The following SLCO1A2 variants were observed in gnomAD, a reference collection of about 807,000 sequenced individuals.
The protein encoded by SLCO1A2 is solute carrier organic anion transporter family member 1A2.
A neutral mutation model predicts 69.0 loss-of-function variants in SLCO1A2; 67 were observed. The observed-to-expected ratio is 0.97, with a 90% CI of 0.80 to 1.19. SLCO1A2 has a LOEUF of 1.19. Among genes scored for constraint, SLCO1A2 ranks in the 50% most tolerant of loss-of-function variants. The pLI is 0.00. For missense variants in SLCO1A2, 787 were observed against 793.7 expected (o/e 0.99, Z 0.10); for synonymous variants, 260 against 265.9 (o/e 0.98, Z 0.22).
intron 2 of SLCO1A2, among the ~76,000 whole-genome samples, chr12:21,354,152 G>A (rs59385551): frequency 0.08 from 12,156 of 152,082 alleles, 558 homozygotes; most frequent in Middle Eastern, 0.15. Flanking sequence ...CAAAGTCCAC[G>A]TCCCTCCTCC....
At chr12:21,285,913 G>A (rs1329943876) in intron 12 of SLCO1A2, among the ~76,000 whole-genome samples, 2 of 151,192 alleles carry the variant, frequency 1.3e-5, no homozygotes, top group East Asian at 1.9e-4. Flanking sequence ...TACTGAATGG[G>A]CAAAAACTGG....
intron 2 of SLCO1A2, among the ~76,000 whole-genome samples, chr12:21,322,289 A>T (rs563666660): frequency 2.0e-5 from 3 of 152,124 alleles, no homozygotes; most frequent in Non-Finnish European, 4.4e-5. Flanking sequence ...TTCTCAATCA[A>T]TTTAGAAAGT....
chr12:21,347,408 C>T (rs527392525), intron 2 of SLCO1A2, among the ~76,000 whole-genome samples: 7 of 152,062 alleles, frequency 4.6e-5, no homozygotes, highest in South Asian at 4.2e-4. Context: ...CACTTTGGGA[C>T]GCCAAAGGGG....
At chr12:21,292,734 T>C (rs1267628671) in intron 11 of SLCO1A2, among the ~76,000 whole-genome samples, 1 of 152,102 alleles carries the variant, frequency 6.6e-6, no homozygotes, top group Non-Finnish European at 1.5e-5. Context: ...TAGCTGGGAC[T>C]ACAGGCGCCT....
intron 1 of SLCO1A2, among the ~76,000 whole-genome samples, chr12:21,401,651 C>A (rs1358524855): frequency 1.3e-5 from 2 of 149,726 alleles, no homozygotes; most frequent in Non-Finnish European, 3.0e-5. Flanking sequence ...TTGTTTATTT[C>A]TACTTTTTTG....
intron 12 of SLCO1A2, among the ~76,000 whole-genome samples, chr12:21,286,697 AT>A (rs1374975458): frequency 1.7e-5 from 2 of 118,132 alleles, no homozygotes; most frequent in East Asian, 4.5e-4. Flanking sequence ...GCCCTCAGAA[AT>A]AACGCCGCAT....
intron 2 of SLCO1A2, among the ~76,000 whole-genome samples, chr12:21,358,685 A>G (rs1349062569): frequency 1.3e-5 from 2 of 151,796 alleles, no homozygotes; most frequent in Admixed American, 6.6e-5. Flanking sequence ...ACATGAAAAG[A>G]AGTCTACAAA....
At chr12:21,278,848 A>G (rs1944327832) in intron 12 of SLCO1A2, among the ~76,000 whole-genome samples, 2 of 152,210 alleles carry the variant, frequency 1.3e-5, no homozygotes, top group Admixed American at 6.5e-5. Flanking sequence ...CACCAAAGGA[A>G]CTAAACAAGG....
intron 2 of SLCO1A2, among the ~76,000 whole-genome samples, chr12:21,361,013 T>C (rs1938819741): frequency 1.3e-5 from 2 of 152,174 alleles, no homozygotes; most frequent in South Asian, 2.1e-4. Context: ...TAAACATCCC[T>C]GTCTGACAGC....
intron 12 of SLCO1A2, among the ~76,000 whole-genome samples, chr12:21,279,927 CA>C (rs1944495433): frequency 1.3e-5 from 2 of 151,186 alleles, no homozygotes; most frequent in Non-Finnish European, 2.9e-5. Context: ...ATAGAAATAA[CA>C]AAATGTTAAA....
chr12:21,329,614 G>A lies in SLCO1A2; in HGVS notation c.60+4974C>T, dbSNP rs1031974772. On this transcript the variant is annotated intron_variant, in intron 2 of 14. Transcript: ENST00000683939. ...ATTTTATCTTTTGTAATTGAATGTA[G>A]CTCAGCTGCATCTCCCTACCATAGG... Among the ~76,000 whole-genome samples, 3 of 151,334 alleles carry A rather than the reference G, an allele frequency of 2.0e-5. No individual in the cohort carries two copies. The Admixed American group carries it at 2.0e-4, about 10-fold the overall frequency.
chr12:21,361,744 G>C (rs916973611), intron 2 of SLCO1A2, among the ~76,000 whole-genome samples: 13 of 152,156 alleles, frequency 8.5e-5, no homozygotes, highest in Non-Finnish European at 1.5e-5. Context: ...ACTACGTGAC[G>C]CATGTACAAG....
intron 2 of SLCO1A2, among the ~76,000 whole-genome samples, chr12:21,368,035 CA>C (rs1461781095): frequency 6.6e-6 from 1 of 152,094 alleles, no homozygotes; most frequent in Non-Finnish European, 1.5e-5. Context: ...AGGCAATTAT[CA>C]GCAAAGATTG....
intron 12 of SLCO1A2, among the ~76,000 whole-genome samples, chr12:21,279,943 A>C (rs1211292927): frequency 6.6e-6 from 1 of 151,628 alleles, no homozygotes; most frequent in Non-Finnish European, 1.5e-5. Context: ...GTTAAAAATT[A>C]GGAGGACAAA....
At chr12:21,319,356 T>A (rs371139204) in intron 2 of SLCO1A2, 1 of 1,368,196 alleles carries the variant, frequency 7.3e-7, no homozygotes, top group South Asian at 1.1e-5. Context: ...TGCAGGACAA[T>A]AGGTCCCCAG....
intron 12 of SLCO1A2, among the ~76,000 whole-genome samples, chr12:21,290,211 A>T (rs1364387670): frequency 1.3e-5 from 2 of 152,164 alleles, no homozygotes; most frequent in African/African-American, 4.8e-5. Context: ...GGAATATTTA[A>T]GCAAATGACA....
At chr12:21,372,395 T>C (rs542451717) in intron 2 of SLCO1A2, among the ~76,000 whole-genome samples, 8 of 152,340 alleles carry the variant, frequency 5.3e-5, no homozygotes, top group South Asian at 4.1e-4. Context: ...ATTACTCTTA[T>C]GCTTTTAAAT....
At chr12:21,303,804 C>T (rs1463231776) in intron 6 of SLCO1A2, among the ~76,000 whole-genome samples, 1 of 151,998 alleles carries the variant, frequency 6.6e-6, no homozygotes, top group African/African-American at 2.4e-5. Flanking sequence ...AGAAGCCTGA[C>T]TATATGGAGA....
At chr12:21,293,068 G>A (rs1947138155) in intron 11 of SLCO1A2, among the ~76,000 whole-genome samples, 1 of 151,976 alleles carries the variant, frequency 6.6e-6, no homozygotes, top group South Asian at 2.1e-4. Flanking sequence ...ACTTTGGGGG[G>A]CCAAGGCAGG....
Sources: gnomAD v4.1 joint callset for allele counts (sites outside exome capture counted in the v4.1 genomes callset) on GRCh38, gnomAD v4.1.1 for gene constraint, MANE v1.5 for transcripts, NCBI Gene and HGNC (gene_info 2026-07-23, HGNC 2026-07-21) for gene names.